Variants in GBF1 observed in about 807,000 individuals in gnomAD.
GBF1 encodes golgi brefeldin A resistant guanine nucleotide exchange factor 1.
GBF1 carries 114 observed loss-of-function variants against 210.5 expected under a neutral mutation model. The observed-to-expected ratio is 0.54, with a 90% CI of 0.47 to 0.63. The LOEUF (loss-of-function observed/expected upper bound fraction) is 0.63, where lower values mean the gene tolerates loss of function less well. GBF1 is among the 30% of genes least tolerant of loss of function. The probability of loss-of-function intolerance (pLI) is 0.00; values close to 1 mark genes in which losing one functional copy is unlikely to be tolerated. For synonymous variants in GBF1, 850 were observed against 889.2 expected (o/e 0.96, Z 0.78); for missense variants, 1,851 against 2,357.7 (o/e 0.79, Z 4.45).
At chr10:102,231,762 G>C in the GBF1 span, 1 of 1,606,338 alleles carries the variant, frequency 6.2e-7, no homozygotes, top group Non-Finnish European at 8.5e-7. Context: ...GGGAGCCGCC[G>C]GGCAGCGAAG....
chr10:102,297,468 A>G (rs1035368759), intron 3 of GBF1, among the ~76,000 whole-genome samples: 3 of 152,230 alleles, frequency 2.0e-5, no homozygotes, highest in Non-Finnish European at 1.5e-5. Context: ...TTGAAAAACC[A>G]TTTCTGTACT....
rs765668355 is a variant in GBF1, at chr10:102,352,448, G to T, written c.524-10G>T. On this transcript the variant is annotated splice_polypyrimidine_tract_variant and intron_variant, in intron 6 of 39. Transcript: ENST00000369983. ...AATGACACCTGTGTTATTTGTTTTT[G>T]CCTGTGCAGAGTTATTGAGAAAATC... 9 of 1,592,416 alleles carry T rather than the reference G, an allele frequency of 5.7e-6. No homozygotes were observed. The highest frequency in any genetic ancestry group is 6.9e-6 in the Non-Finnish European group (8 of 1,160,232).
At chr10:102,232,847 TCTC>T in the GBF1 span, among the ~76,000 whole-genome samples, 2 of 152,216 alleles carry the variant, frequency 1.3e-5, no homozygotes, top group Non-Finnish European at 2.9e-5. Context: ...TGTTACCCAT[TCTC>T]CTTAGGACAG....
Position 102,366,201 on chromosome 10 carries a change from G to A in GBF1, c.2310-182G>A, listed in dbSNP as rs762228712. On this transcript the variant is annotated intron_variant, in intron 18 of 39. Transcript: ENST00000369983. This position sits in a 1 kb window ranked among gnomAD's most constrained non-coding sequence, Gnocchi z 4.0. ...GGGTGAGGGTTCTAGGCAAGAGTCC[G>A]TGGATGTGAAAAGTATTAAGGCTAG... Among the ~76,000 whole-genome samples, 5 of 152,272 alleles carry A rather than the reference G, an allele frequency of 3.3e-5. No homozygotes were observed. Among genetic ancestry groups the A allele is most frequent in the African/African-American group, 1.2e-4 (5 of 41,546 alleles).
At chr10:102,247,135 G>A (rs1445518070) in intron 1 of GBF1, among the ~76,000 whole-genome samples, 3 of 152,210 alleles carry the variant, frequency 2.0e-5, no homozygotes, top group African/African-American at 7.2e-5. Flanking sequence ...TAGTAACAAG[G>A]AGGATCAAAA....
intron 11 of GBF1, among the ~76,000 whole-genome samples, 197 bp from the exon 12 acceptor site, chr10:102,359,987 A>G (rs1414967217): frequency 1.3e-5 from 2 of 152,064 alleles, no homozygotes; most frequent in African/African-American, 4.8e-5. Flanking sequence ...GCTGGTCTCA[A>G]ACTCCTGGCC....
chr10:102,348,827 T>TA (rs1276371865), intron 4 of GBF1, among the ~76,000 whole-genome samples: 1 of 152,140 alleles, frequency 6.6e-6, no homozygotes, highest in Non-Finnish European at 1.5e-5. Flanking sequence ...TCACAATTAG[T>TA]AAAAGACTTC....
At chr10:102,309,603 C>T (rs540867761) in intron 3 of GBF1, among the ~76,000 whole-genome samples, 3 of 152,268 alleles carry the variant, frequency 2.0e-5, no homozygotes, top group South Asian at 4.2e-4. Context: ...TTGTTCACCT[C>T]CCATAGCTGA....
chr10:102,244,879 G>A (rs1275216595), upstream of GBF1, among the ~76,000 whole-genome samples: 1 of 152,128 alleles, frequency 6.6e-6, no homozygotes, highest in African/African-American at 2.4e-5. Flanking sequence ...GATATCCAGG[G>A]CTTCTGCTAC....
At chr10:102,262,299 G>A (rs947000465) in intron 3 of GBF1, among the ~76,000 whole-genome samples, 8 of 152,132 alleles carry the variant, frequency 5.3e-5, no homozygotes, top group African/African-American at 1.9e-4. Flanking sequence ...GGCCTGTACC[G>A]ACTGGTACTT....
chr10:102,313,164 G>A (rs1200457292), intron 3 of GBF1, among the ~76,000 whole-genome samples: 1 of 152,188 alleles, frequency 6.6e-6, no homozygotes, highest in African/African-American at 2.4e-5. Context: ...GCAAAGGAAA[G>A]CTTTTGTGAC....
intron 3 of GBF1, among the ~76,000 whole-genome samples, chr10:102,334,821 G>A (rs1051379821): frequency 3.3e-5 from 5 of 151,550 alleles, no homozygotes; most frequent in African/African-American, 1.2e-4. Context: ...TGCACTCCAG[G>A]CTGGGTGACA....
chr10:102,267,979 G>C (rs970758847), intron 3 of GBF1, among the ~76,000 whole-genome samples: 5 of 152,212 alleles, frequency 3.3e-5, no homozygotes, highest in African/African-American at 1.2e-4. Context: ...AGCACAGTTA[G>C]AGTGAATAAA....
At position 102,364,217 on chromosome 10, in the gene GBF1, C is replaced by CTTT. The variant is rs1031275118; in HGVS notation, c.2106+442_2106+444dup. On this transcript the variant is annotated intron_variant, in intron 17 of 39. Transcript: ENST00000369983. ...AAATAACTGTTTGTACTTTGGATTT[C>CTTT]TTTTTTTTTTTTTTTTTTTTTTTTT... Among the ~76,000 whole-genome samples, 146 of 66,948 alleles carry CTTT rather than the reference C, an allele frequency of 2.2e-3. 5 individuals are homozygous for CTTT. The highest frequency in any genetic ancestry group is 6.1e-3 in the East Asian group (12 of 1,962). 43.9% of individuals were successfully genotyped at this position (66,948 alleles called of 152,430 possible). A position where few individuals can be genotyped will look rare whatever the true frequency, so the allele number is the denominator to read the frequency against.
intron 3 of GBF1, among the ~76,000 whole-genome samples, chr10:102,325,205 C>G (rs886692223): frequency 3.3e-5 from 5 of 152,132 alleles, no homozygotes; most frequent in African/African-American, 7.2e-5. Context: ...ACATGATATG[C>G]AGAATCCCTC....
intron 3 of GBF1, among the ~76,000 whole-genome samples, chr10:102,274,699 A>ATTTT (rs1174743189): frequency 0.025 from 1,826 of 71,716 alleles, 230 homozygotes; most frequent in Admixed American, 0.051. Flanking sequence ...CAAAACAAAG[A>ATTTT]TTTTTTTTTT....
At chr10:102,259,712 A>AAAT (rs1206412326) in intron 2 of GBF1, among the ~76,000 whole-genome samples, 4 of 152,216 alleles carry the variant, frequency 2.6e-5, no homozygotes, top group Non-Finnish European at 5.9e-5. Context: ...AATATCTTTG[A>AAAT]AATGAATATG....
At chr10:102,306,577 C>A (rs866224941) in intron 3 of GBF1, among the ~76,000 whole-genome samples, 2 of 152,188 alleles carry the variant, frequency 1.3e-5, no homozygotes. Flanking sequence ...GCGCCTGACA[C>A]CAAGCCTGGC....
chr10:102,305,002 AAAGAAAG>A (rs2077719146), intron 3 of GBF1, among the ~76,000 whole-genome samples: 3 of 151,094 alleles, frequency 2.0e-5, no homozygotes, highest in Non-Finnish European at 4.4e-5. Context: ...AGAAAGAAAG[AAAGAAAG>A]AAAGAAAGAA....
Sources: gnomAD v4.1 joint callset for allele counts (sites outside exome capture counted in the v4.1 genomes callset) on GRCh38, gnomAD v4.1.1 for gene constraint, Gnocchi (gnomAD v3.1) non-coding constraint, MANE v1.5 for transcripts, NCBI Gene and HGNC (gene_info 2026-07-23, HGNC 2026-07-21) for gene names.